CLEC16A: variants seen among roughly 807,000 people sequenced by gnomAD.
The protein encoded by CLEC16A is protein CLEC16A.
A neutral mutation model predicts 109.5 loss-of-function variants in CLEC16A; 51 were observed. That is an observed-to-expected ratio of 0.47 (90% confidence interval 0.37 to 0.59). CLEC16A has a LOEUF of 0.59. Ranked by LOEUF, CLEC16A falls within the 20% of genes least tolerant of loss-of-function variation. CLEC16A has a pLI of 0.00. For synonymous variants in CLEC16A, 673 were observed against 564.2 expected, an observed-to-expected ratio of 1.19 and a Z score of -2.73; for missense variants, 1,339 against 1,394.0, an observed-to-expected ratio of 0.96 and a Z score of 0.63.
intron 3 of CLEC16A, among the ~76,000 whole-genome samples, chr16:10,967,731 G>A (rs1284315154): frequency 6.6e-6 from 1 of 152,150 alleles, no homozygotes; most frequent in Non-Finnish European, 1.5e-5. Context: ...GGAAGTTTTG[G>A]CTTCATGAAA....
chr16:10,950,894 A>G (rs916987689), intron 1 of CLEC16A, among the ~76,000 whole-genome samples: 5 of 152,204 alleles, frequency 3.3e-5, no homozygotes, highest in Admixed American at 6.5e-5. Context: ...TTGCAAATGT[A>G]CATTTCAAAA....
chr16:11,005,097 A>C (rs550514348), intron 11 of CLEC16A, among the ~76,000 whole-genome samples: 6 of 152,132 alleles, frequency 3.9e-5, no homozygotes, highest in African/African-American at 1.4e-4. Flanking sequence ...GAAAGATGCT[A>C]CCTCTTTCAT....
chr16:11,133,711 T>A (rs964434667), intron 22 of CLEC16A, among the ~76,000 whole-genome samples: 1 of 152,220 alleles, frequency 6.6e-6, no homozygotes, highest in Non-Finnish European at 1.5e-5. Context: ...AACTAATTTT[T>A]TAGTCCTCTT....
chr16:10,956,928 G>C (rs911918167), intron 1 of CLEC16A, among the ~76,000 whole-genome samples: 3 of 152,110 alleles, frequency 2.0e-5, no homozygotes, highest in Non-Finnish European at 4.4e-5. Context: ...TTCCAGAGTA[G>C]CTGGGATTAC....
At chr16:11,124,039 C>T (rs2052623018) in intron 21 of CLEC16A, 93 bp downstream of exon 21, 1 of 1,123,256 alleles carries the variant, frequency 8.9e-7, no homozygotes, top group Non-Finnish European at 1.3e-6. Context: ...ACCCCCATAG[C>T]ATAGAAGAAG....
At chr16:11,086,016 A>G (rs12708716) in intron 19 of CLEC16A, among the ~76,000 whole-genome samples, 56,348 of 152,140 alleles carry the variant, frequency 0.37, 10,625 homozygotes, top group African/African-American at 0.42. Flanking sequence ...GGAGAATCCT[A>G]AGTAATAGCC....
chr16:11,047,363 C>T (rs1042612167), intron 17 of CLEC16A, 21 bp downstream of exon 17: 1 of 1,594,564 alleles, frequency 6.3e-7, no homozygotes. Flanking sequence ...GGCTGGGACA[C>T]ACTTGGGCTG....
At chr16:10,971,313 T>A in intron 5 of CLEC16A, 83 bp downstream of exon 5, 1 of 1,032,596 alleles carries the variant, frequency 9.7e-7, no homozygotes, top group Non-Finnish European at 1.5e-6. Flanking sequence ...CGTACAGTTC[T>A]CCGATTGTCA....
intron 22 of CLEC16A, among the ~76,000 whole-genome samples, chr16:11,146,621 G>C (rs886152165): frequency 1.3e-5 from 2 of 151,736 alleles, no homozygotes; most frequent in South Asian, 2.1e-4. Context: ...AGGGATGGAT[G>C]GGTAGGTGGA....
At chr16:11,085,272 C>G (rs1204469764) in intron 19 of CLEC16A, among the ~76,000 whole-genome samples, 2 of 152,388 alleles carry the variant, frequency 1.3e-5, no homozygotes, top group East Asian at 3.9e-4. Context: ...CCCATTTTCA[C>G]TCCACAGGCC....
rs1567282273 is a variant in CLEC16A, at chr16:11,075,396, G to GTGTGTGTC, written c.2116+14381_2116+14382insCTGTGTGT. Among the ~76,000 whole-genome samples the GTGTGTGTC allele has an allele frequency of 1.6e-3, 208 of 133,354 alleles. 5 individuals carry two copies. Among genetic ancestry groups the GTGTGTGTC allele is most frequent in the South Asian group, 5.7e-3 (23 of 4,036 alleles). The allele number at this position is 133,354 out of a possible 152,430, so 87.5% of individuals were successfully genotyped here. A position where few individuals can be genotyped will look rare whatever the true frequency, so the allele number is the denominator to read the frequency against. ...GATATGTCTGTGTGTGTGTGTGTGT[G>GTGTGTGTC]TGTGTGTGTGTGTGTCTGTGTGTGT... On this transcript the variant is annotated intron_variant, in intron 19 of 23. Transcript: ENST00000409790.
intron 10 of CLEC16A, among the ~76,000 whole-genome samples, chr16:10,993,493 A>G (rs190607438): frequency 2.0e-5 from 3 of 152,338 alleles, no homozygotes; most frequent in Non-Finnish European, 4.4e-5. Flanking sequence ...TAAGGAAGCC[A>G]AGGTTCCGTG....
At chr16:10,946,178 C>G (rs2041357989) in intron 1 of CLEC16A, among the ~76,000 whole-genome samples, 1 of 152,076 alleles carries the variant, frequency 6.6e-6, no homozygotes, top group Non-Finnish European at 1.5e-5. Flanking sequence ...GAAGGAGATC[C>G]TGAGACTACT....
intron 10 of CLEC16A, 50 bp downstream of exon 10, chr16:10,983,041 T>C: frequency 9.7e-7 from 1 of 1,030,432 alleles, no homozygotes. Context: ...ATTGCTCATT[T>C]TGCTAATCTG....
intron 6 of CLEC16A, 58 bp from the exon 7 acceptor site, chr16:10,972,880 T>C (rs2042859922): frequency 7.3e-6 from 11 of 1,505,116 alleles, no homozygotes; most frequent in Non-Finnish European, 9.8e-6. Context: ...TTTTTTTTAA[T>C]CTTCCCCAAG....
At chr16:11,106,848 C>G (rs986120952) in intron 19 of CLEC16A, among the ~76,000 whole-genome samples, 9 of 152,306 alleles carry the variant, frequency 5.9e-5, no homozygotes, top group African/African-American at 1.9e-4. Context: ...GTCACATGCC[C>G]AGGGTCACCA....
At chr16:11,129,905 G>GGCGCCCACCACC (rs1312023925) in intron 22 of CLEC16A, among the ~76,000 whole-genome samples, 2 of 152,052 alleles carry the variant, frequency 1.3e-5, no homozygotes, top group Non-Finnish European at 2.9e-5. Flanking sequence ...TGGTACTACA[G>GGCGCCCACCACC]GCGCCCACCA....
At chr16:11,088,591 C>A (rs1015598394) in intron 19 of CLEC16A, among the ~76,000 whole-genome samples, 1 of 152,196 alleles carries the variant, frequency 6.6e-6, no homozygotes, top group East Asian at 1.9e-4. Context: ...GGTGCACAGC[C>A]TCGGGCAGGA....
chr16:11,111,076 CT>C (rs958982028), intron 19 of CLEC16A, among the ~76,000 whole-genome samples: 1 of 151,948 alleles, frequency 6.6e-6, no homozygotes, highest in African/African-American at 2.4e-5. Flanking sequence ...CTAGGCCAGT[CT>C]TCTGAGATGC....
Sources: gnomAD v4.1 joint callset for allele counts (sites outside exome capture counted in the v4.1 genomes callset) on GRCh38, gnomAD v4.1.1 for gene constraint, MANE v1.5 for transcripts, NCBI Gene and HGNC (gene_info 2026-07-23, HGNC 2026-07-21) for gene names.